GABRB1: variants seen among roughly 807,000 people sequenced by gnomAD.
GABRB1 encodes the protein gamma-aminobutyric acid type A receptor subunit beta1, also known as gamma-aminobutyric acid receptor subunit beta-1.
In GABRB1, 17 loss-of-function variants were observed where a neutral mutation model predicts 51.6. The ratio of observed to expected loss-of-function variants is 0.33; its 90% CI spans 0.23 to 0.49. The LOEUF (loss-of-function observed/expected upper bound fraction) is 0.49. Among genes scored for constraint, GABRB1 ranks in the 20% least tolerant of loss-of-function variants. The pLI, the probability that GABRB1 is intolerant of heterozygous loss-of-function variation, is 0.99. For missense variants in GABRB1, 410 were observed against 600.6 expected, an observed-to-expected ratio of 0.68 and a Z score of 3.32; for synonymous variants, 247 against 218.9, an observed-to-expected ratio of 1.13 and a Z score of -1.14.
intron 4 of GABRB1, among the ~76,000 whole-genome samples, chr4:47,290,145 G>A (rs1214127847): frequency 6.6e-6 from 1 of 152,280 alleles, no homozygotes; most frequent in Non-Finnish European, 1.5e-5. Flanking sequence ...ATACAGTTTG[G>A]CTATGTCTCC....
At chr4:47,143,295 G>C (rs1304668013) in intron 3 of GABRB1, among the ~76,000 whole-genome samples, 1 of 151,836 alleles carries the variant, frequency 6.6e-6, no homozygotes, top group Non-Finnish European at 1.5e-5. Context: ...TGCCAGCAGT[G>C]CTGACTTCAG....
intron 3 of GABRB1, among the ~76,000 whole-genome samples, chr4:47,104,504 T>C: frequency 1.3e-5 from 1 of 75,864 alleles, no homozygotes; most frequent in Non-Finnish European, 2.6e-5. Flanking sequence ...TTTCCTGCTG[T>C]CTTCTCTCTC....
At chr4:47,009,807 A>C (rs984667508) in intron 1 of GABRB1, among the ~76,000 whole-genome samples, 8 of 152,230 alleles carry the variant, frequency 5.3e-5, no homozygotes, top group Non-Finnish European at 1.2e-4. Context: ...TGATTGAGGT[A>C]GTACTCAACA....
At chr4:47,047,007 G>A (rs1045678691) in intron 3 of GABRB1, among the ~76,000 whole-genome samples, 1 of 152,092 alleles carries the variant, frequency 6.6e-6, no homozygotes, top group African/African-American at 2.4e-5. Flanking sequence ...GAGGGTGGCA[G>A]GAGGGAGAGG....
At chr4:47,340,430 A>G (rs1725840991) in intron 5 of GABRB1, among the ~76,000 whole-genome samples, 1 of 152,100 alleles carries the variant, frequency 6.6e-6, no homozygotes, top group Non-Finnish European at 1.5e-5. Flanking sequence ...GTATAATATG[A>G]TACCTTCGAG....
Position 47,014,702 on chromosome 4 carries a change from T to C in GABRB1, c.-19-17212T>C, listed in dbSNP as rs145553132. ...ATGTCCAAACTGAAAATAAATATGA[T>C]ATATTAATTCAGAAGTTAAGTATAT... On this transcript the variant is annotated intron_variant, in intron 1 of 3. Coordinates refer to the GABRB1 transcript ENST00000513567. 2.2e-4 allele frequency among the ~76,000 whole-genome samples: 33 copies of C among 152,314 alleles called. No homozygotes were observed. In the East Asian group the frequency reaches 6.4e-3, roughly 29 times the overall value.
chr4:47,338,755 A>C (rs1308395101), intron 5 of GABRB1, among the ~76,000 whole-genome samples: 1 of 152,186 alleles, frequency 6.6e-6, no homozygotes, highest in Non-Finnish European at 1.5e-5. Context: ...AGGTGATGTG[A>C]TAAGGAATTT....
chr4:47,324,656 C>G (rs543062194), intron 5 of GABRB1, among the ~76,000 whole-genome samples: 1 of 152,326 alleles, frequency 6.6e-6, no homozygotes, highest in African/African-American at 2.4e-5. Flanking sequence ...TACATTCAAT[C>G]TTATGCTGTG....
chr4:47,304,394 A>G (rs1162997377), intron 4 of GABRB1, among the ~76,000 whole-genome samples: 2 of 151,942 alleles, frequency 1.3e-5, no homozygotes, highest in Non-Finnish European at 2.9e-5. Context: ...GATATTGAAC[A>G]ATTTTTTCAT....
At chr4:47,323,102 T>C (rs979952595) in intron 5 of GABRB1, among the ~76,000 whole-genome samples, 5 of 152,198 alleles carry the variant, frequency 3.3e-5, no homozygotes, top group Admixed American at 2.6e-4. Flanking sequence ...AAACTATCCC[T>C]GATAAAGTTC....
intron 4 of GABRB1, among the ~76,000 whole-genome samples, chr4:47,314,572 G>T (rs1028048241): frequency 6.6e-6 from 1 of 151,810 alleles, no homozygotes; most frequent in Non-Finnish European, 1.5e-5. Flanking sequence ...TATCCCTAAG[G>T]CTTTTTCTTT....
At chr4:47,313,605 G>C (rs933896536) in intron 4 of GABRB1, among the ~76,000 whole-genome samples, 1 of 152,100 alleles carries the variant, frequency 6.6e-6, no homozygotes, top group Non-Finnish European at 1.5e-5. Flanking sequence ...TTTTGTTGAT[G>C]ATCTGGGGAA....
intron 1 of GABRB1, among the ~76,000 whole-genome samples, chr4:47,024,588 A>G (rs1380860275): frequency 6.6e-6 from 1 of 151,844 alleles, no homozygotes; most frequent in South Asian, 2.1e-4. Flanking sequence ...TTTTATTTCC[A>G]TACATTTTTG....
intron 3 of GABRB1, among the ~76,000 whole-genome samples, chr4:47,083,616 G>A (rs567697340): frequency 6.6e-6 from 1 of 152,088 alleles, no homozygotes; most frequent in Non-Finnish European, 1.5e-5. Flanking sequence ...TATTCCCTGA[G>A]CTATTTCCTG....
intron 1 of GABRB1, among the ~76,000 whole-genome samples, chr4:47,014,562 C>A (rs1459286727): frequency 7.7e-4 from 117 of 152,298 alleles, no homozygotes; most frequent in Non-Finnish European, 2.4e-4. Flanking sequence ...CAATTGTCCA[C>A]TTCTGGGTTG....
chr4:47,318,332 A>G (rs1724959289), intron 4 of GABRB1, among the ~76,000 whole-genome samples: 1 of 151,978 alleles, frequency 6.6e-6, no homozygotes, highest in South Asian at 2.1e-4. Context: ...TTATCACCTT[A>G]GCAATGTCTG....
chr4:47,011,697 C>T (rs1413605606), intron 1 of GABRB1, among the ~76,000 whole-genome samples: 2 of 152,074 alleles, frequency 1.3e-5, no homozygotes, highest in Non-Finnish European at 2.9e-5. Context: ...CTCATTTATT[C>T]ATATTCTCTG....
chr4:47,022,673 G>T (rs1021835437), intron 1 of GABRB1, among the ~76,000 whole-genome samples: 17 of 152,030 alleles, frequency 1.1e-4, no homozygotes, highest in African/African-American at 3.6e-4. Flanking sequence ...AGGATGTGGA[G>T]AAAAGAGAAC....
chr4:47,390,724 T>C (rs1451454648), intron 5 of GABRB1, among the ~76,000 whole-genome samples: 1 of 152,192 alleles, frequency 6.6e-6, no homozygotes, highest in African/African-American at 2.4e-5. Flanking sequence ...AAACCTTTGG[T>C]AAAATAGGTT....
Sources: allele counts gnomAD v4.1 joint callset (sites outside exome capture counted in the v4.1 genomes callset), GRCh38; gene constraint gnomAD v4.1.1; transcripts MANE v1.5; gene names NCBI Gene and HGNC (gene_info 2026-07-23, HGNC 2026-07-21).